Variants in HIVEP2 observed in about 807,000 individuals in gnomAD.
HIVEP2 encodes HIVEP zinc finger 2.
HIVEP2 carries 14 observed loss-of-function variants against 180.7 expected under a neutral mutation model. That is an observed-to-expected ratio of 0.08 (90% confidence interval 0.05 to 0.12). The LOEUF (loss-of-function observed/expected upper bound fraction) is 0.12. Ranked by LOEUF, HIVEP2 falls within the 10% of genes least tolerant of loss-of-function variation. The pLI, the probability that HIVEP2 is intolerant of heterozygous loss-of-function variation, is 1.00. For synonymous variants in HIVEP2, 1,184 were observed against 1,136.4 expected (o/e 1.04, Z -0.84); for missense variants, 2,579 against 3,008.5 (o/e 0.86, Z 3.34).
chr6:142,923,083 C>T (rs1041475142), intron 1 of HIVEP2, among the ~76,000 whole-genome samples: 10 of 151,926 alleles, frequency 6.6e-5, no homozygotes, highest in African/African-American at 1.9e-4. Context: ...CCTGGTAATC[C>T]CAGCACTTTG....
At chr6:142,929,816 C>T (rs1777899132) in intron 1 of HIVEP2, among the ~76,000 whole-genome samples, 1 of 152,132 alleles carries the variant, frequency 6.6e-6, no homozygotes, top group South Asian at 2.1e-4. Flanking sequence ...ATGTTTGGCT[C>T]TCCATGCTTC....
chr6:142,831,353 G>A (rs1465539284), intron 2 of HIVEP2, among the ~76,000 whole-genome samples: 1 of 152,168 alleles, frequency 6.6e-6, no homozygotes, highest in East Asian at 1.9e-4. Context: ...GCTCTTGTTT[G>A]AATTCATGGA....
In HIVEP2 at chr6:142,768,413, C is replaced by G; in HGVS notation, c.5311G>C (p.Glu1771Gln). 1.2e-6 allele frequency: 2 copies of G among 1,611,856 alleles called. No individual in the cohort carries two copies. Among genetic ancestry groups the G allele is most frequent in the Non-Finnish European group, 1.7e-6 (2 of 1,179,276 alleles). The change falls in exon 6 of 10, where the codon GAG becomes CAG. Residue 1771 changes from glutamate to glutamine, a missense_variant. By Grantham distance (29) the Glu-to-Gln change is conservative. Around this residue, in one of 11 missense-constraint regions of HIVEP2, gnomAD observed 349 missense variants for 367.2 expected, o/e 0.95. Transcript: ENST00000367603. ...TCAAATATTTTAATTCGGATTGGCTCAGTTTGTTTGGATCCAATATCTTTA... is the reference window on the plus strand; with the variant it reads ...TCAAATATTTTAATTCGGATTGGCTGAGTTTGTTTGGATCCAATATCTTTA... ...GDKDIGSKQT[E>Q]PIRIKIFEGG...
At chr6:142,831,012 G>A (rs930176288) in intron 2 of HIVEP2, among the ~76,000 whole-genome samples, 26 of 152,198 alleles carry the variant, frequency 1.7e-4, no homozygotes, top group African/African-American at 6.0e-4. Context: ...AAGTAGGCAG[G>A]AGACCAGCAA....
intron 6 of HIVEP2, 51 bp from the exon 7 acceptor site, chr6:142,765,025 T>G: frequency 9.4e-6 from 14 of 1,490,134 alleles, no homozygotes; most frequent in Non-Finnish European, 1.3e-5. Context: ...CTTAGCATGC[T>G]ATATATTAAA....
At chr6:142,926,851 C>T (rs1582971696) in intron 1 of HIVEP2, among the ~76,000 whole-genome samples, 1 of 151,740 alleles carries the variant, frequency 6.6e-6, no homozygotes, top group South Asian at 2.1e-4. Flanking sequence ...CCGGGCGCGG[C>T]GAGCCCCACT....
intron 1 of HIVEP2, among the ~76,000 whole-genome samples, chr6:142,905,765 T>A (rs1035491293): frequency 6.6e-6 from 1 of 152,214 alleles, no homozygotes; most frequent in African/African-American, 2.4e-5. Context: ...CCCCCCACCA[T>A]GGTCATGGTT....
intron 2 of HIVEP2, among the ~76,000 whole-genome samples, chr6:142,820,543 A>G (rs1341981756): frequency 6.6e-6 from 1 of 152,230 alleles, no homozygotes; most frequent in Non-Finnish European, 1.5e-5. Context: ...TTACTCAGTT[A>G]TAGCTGTTTA....
At chr6:142,893,728 C>T (rs564123255) in intron 1 of HIVEP2, among the ~76,000 whole-genome samples, 89 of 152,230 alleles carry the variant, frequency 5.8e-4, no homozygotes, top group Non-Finnish European at 1.1e-3. Flanking sequence ...GTTAACTCTG[C>T]CCTAAAGTCA....
chr6:142,871,353 C>G (rs1776285499), intron 1 of HIVEP2, among the ~76,000 whole-genome samples: 1 of 152,046 alleles, frequency 6.6e-6, no homozygotes, highest in Non-Finnish European at 1.5e-5. Context: ...TCAGAGTAAC[C>G]AAGGAGAGAA....
At chr6:142,861,758 A>G (rs908905613) in intron 1 of HIVEP2, among the ~76,000 whole-genome samples, 2 of 152,228 alleles carry the variant, frequency 1.3e-5, no homozygotes, top group Non-Finnish European at 2.9e-5. Context: ...AATTATAAAT[A>G]GATAAAACTC....
At chr6:142,818,122 C>T (rs1270821423) in intron 2 of HIVEP2, among the ~76,000 whole-genome samples, 3 of 152,098 alleles carry the variant, frequency 2.0e-5, no homozygotes, top group Admixed American at 2.0e-4. Flanking sequence ...CTCATTGTTG[C>T]CACCATTTTA....
Position 142,899,788 on chromosome 6 carries a change from A to G in HIVEP2, c.-641+45311T>C, listed in dbSNP as rs9390028. Among the ~76,000 whole-genome samples, 1,366 of 152,128 alleles carry G rather than the reference A, an allele frequency of 9.0e-3. 82 individuals are homozygous for G. In the East Asian group the frequency reaches 0.17, roughly 19 times the overall value. ...TCATCAATAATCTTCTCCTACCACCACCGCAGCCATCTCTGATCCTGGGCA... is the reference window on the plus strand; with the variant it reads ...TCATCAATAATCTTCTCCTACCACCGCCGCAGCCATCTCTGATCCTGGGCA... On this transcript the variant is annotated intron_variant, in intron 1 of 9. Transcript: ENST00000367603.
intron 1 of HIVEP2, among the ~76,000 whole-genome samples, chr6:142,918,872 CA>C (rs1471001248): frequency 1.3e-5 from 2 of 152,172 alleles, no homozygotes; most frequent in Admixed American, 1.3e-4. Context: ...TCTGAAGTCT[CA>C]AATCATTCCC....
intron 1 of HIVEP2, among the ~76,000 whole-genome samples, chr6:142,849,801 G>A (rs1282502601): frequency 1.3e-5 from 2 of 152,124 alleles, no homozygotes; most frequent in Admixed American, 6.5e-5. Context: ...CTACAGGTAT[G>A]AGCCACCACG....
At position 142,777,605 on chromosome 6, in the gene HIVEP2, G is replaced by A. The variant is rs575851677; in HGVS notation, c.-432-1414C>T. Among the ~76,000 whole-genome samples, 240 of 123,622 alleles carry A rather than the reference G, an allele frequency of 1.9e-3. 1 individual carries two copies. Among genetic ancestry groups the A allele is most frequent in the Middle Eastern group, 6.7e-3 (1 of 150 alleles). 81.1% of individuals were successfully genotyped at this position (123,622 alleles called of 152,430 possible). ...AGAGGTTGCAGTGAGCCAAGATCGA[G>A]CCATTGCATTCCAGCCTGGGCAACA... On this transcript the variant is annotated intron_variant, in intron 3 of 9. Coordinates refer to ENST00000367603, the MANE Select transcript of HIVEP2 (RefSeq NM_006734.4).
intron 3 of HIVEP2, among the ~76,000 whole-genome samples, 159 bp from the exon 4 acceptor site, chr6:142,776,350 C>T (rs1466493929): frequency 1.3e-5 from 2 of 152,028 alleles, no homozygotes; most frequent in Admixed American, 6.6e-5. Flanking sequence ...AAGCATTACA[C>T]CAGAAGAGTA....
chr6:142,792,908 A>G (rs181748275), intron 2 of HIVEP2, among the ~76,000 whole-genome samples: 1 of 152,216 alleles, frequency 6.6e-6, no homozygotes, highest in Admixed American at 6.5e-5. Context: ...TTCAGATAGA[A>G]AAGAAACTGA....
intron 1 of HIVEP2, among the ~76,000 whole-genome samples, chr6:142,884,600 G>C (rs528539300): frequency 4.5e-4 from 69 of 152,090 alleles, no homozygotes; most frequent in Non-Finnish European, 6.6e-4. Context: ...CTCAGCAAAA[G>C]CTCAAGAATT....
Sources: allele counts gnomAD v4.1 joint callset (sites outside exome capture counted in the v4.1 genomes callset), GRCh38; gene constraint gnomAD v4.1.1; regional missense constraint gnomAD v4.1.1; transcripts MANE v1.5; gene names NCBI Gene and HGNC (gene_info 2026-07-23, HGNC 2026-07-21).